ABCC8: variants seen among roughly 807,000 people sequenced by gnomAD.
ABCC8 encodes the protein ATP-binding cassette sub-family C member 8.
Under a neutral mutation model 188.0 loss-of-function variants are expected in ABCC8, and 137 were observed. That is an observed-to-expected ratio of 0.73 (90% CI 0.63 to 0.84). The LOEUF is 0.84. ABCC8 is among the 40% of genes least tolerant of loss of function. The pLI, the probability that ABCC8 is intolerant of heterozygous loss-of-function variation, is 0.00. For synonymous variants in ABCC8, 797 were observed against 846.5 expected (o/e 0.94, Z 1.01); for missense variants, 1,750 against 2,072.7 (o/e 0.84, Z 3.02).
At chr11:17,401,508 G>A (rs1224640826) in intron 29 of ABCC8, among the ~76,000 whole-genome samples, 1 of 152,230 alleles carries the variant, frequency 6.6e-6, no homozygotes, top group Non-Finnish European at 1.5e-5. Flanking sequence ...CTGGACTTCA[G>A]GGGTTGGGGG....
intron 14 of ABCC8, 157 bp downstream of exon 14, chr11:17,428,132 C>G (rs186950135): frequency 1.9e-6 from 3 of 1,554,598 alleles, no homozygotes; most frequent in Non-Finnish European, 2.6e-6. Context: ...GGGGTCCCCC[C>G]ACTTGGTGGT....
intron 16 of ABCC8, 141 bp downstream of exon 16, chr11:17,426,908 G>A (rs1955604710): frequency 2.1e-6 from 2 of 932,684 alleles, no homozygotes. Context: ...TGATGATGAT[G>A]AGAATATCCA....
At chr11:17,405,226 G>A (rs1163303163) in intron 27 of ABCC8, among the ~76,000 whole-genome samples, 1 of 152,238 alleles carries the variant, frequency 6.6e-6, no homozygotes. Context: ...CAGCCACCTT[G>A]GTTCAGAATA....
chr11:17,426,403 T>C (rs1416175512), intron 16 of ABCC8, among the ~76,000 whole-genome samples: 2 of 152,326 alleles, frequency 1.3e-5, no homozygotes, highest in East Asian at 1.9e-4. Flanking sequence ...TGGTATCTCA[T>C]TGTGGTTTTG....
intron 18 of ABCC8, 98 bp downstream of exon 18, chr11:17,415,206 G>T: frequency 1.3e-6 from 2 of 1,514,334 alleles, no homozygotes; most frequent in Non-Finnish European, 9.0e-7. Context: ...TGGGGCTGGG[G>T]TCTGGGGGCT....
intron 2 of ABCC8, among the ~76,000 whole-genome samples, chr11:17,472,791 T>G (rs1300719006): frequency 1.3e-5 from 2 of 152,124 alleles, no homozygotes; most frequent in Admixed American, 6.5e-5. Context: ...TTTCCCACAT[T>G]CTGGGAATAC....
At chr11:17,450,979 G>A (rs1039739807) in intron 7 of ABCC8, among the ~76,000 whole-genome samples, 6 of 151,948 alleles carry the variant, frequency 3.9e-5, no homozygotes, top group East Asian at 1.9e-4. Context: ...GAGCCATTGC[G>A]CTCCACCCCC....
rs1184702117 is a variant in ABCC8, at chr11:17,412,845, C to G, written c.2476-99G>C. 2.6e-6 allele frequency: 4 copies of G among 1,546,150 alleles called. No homozygotes were observed. The African/African-American group carries it at 5.5e-5, about 21-fold the overall frequency. ...TGAGCTCTTTGGGATGGAGGCCTGG[C>G]TCTATCCACTTCTTTGCCTGCTTCT... On this transcript the variant is annotated intron_variant, in intron 20 of 38. Coordinates refer to ENST00000389817, the MANE Select transcript of ABCC8 (RefSeq NM_000352.6).
intron 3 of ABCC8, among the ~76,000 whole-genome samples, chr11:17,468,561 C>T (rs1848296707): frequency 6.6e-6 from 1 of 152,120 alleles, no homozygotes; most frequent in African/African-American, 2.4e-5. Flanking sequence ...TAGACTAGTG[C>T]CAGTTATTTA....
At chr11:17,460,730 G>A (rs1255566598) in intron 5 of ABCC8, 54 bp from the exon 6 acceptor site, 41 of 1,597,810 alleles carry the variant, frequency 2.6e-5, no homozygotes, top group Non-Finnish European at 3.4e-5. Flanking sequence ...ATTCACGGCT[G>A]GGCCTAGCCT....
Position 17,476,642 on chromosome 11 carries a change from G to A in ABCC8, c.135C>T (p.Pro45=), listed in dbSNP as rs763901452. The A allele has an allele frequency of 6.2e-7, 1 of 1,612,226 alleles. No individual in the cohort carries two copies. The highest frequency in any genetic ancestry group is 1.1e-5 in the South Asian group (1 of 90,824). ...PHVFLLFITF[P]ILFIGWGSQS... is the part of the protein sequence containing the mutation. ...GCGCGCACTCACCAATGAAGAGGATGGGGAAGGTGATGAAGAGTAGGAAGA... is the reference window on the plus strand; with the variant it reads ...GCGCGCACTCACCAATGAAGAGGATAGGGAAGGTGATGAAGAGTAGGAAGA... Residue 45 remains proline, a synonymous_variant, in exon 1 of 39, where the codon CCC becomes CCT. Coordinates refer to ENST00000389817, the MANE Select transcript of ABCC8 (RefSeq NM_000352.6).
chr11:17,439,365 G>A (rs1002269968), intron 10 of ABCC8, among the ~76,000 whole-genome samples: 2 of 152,080 alleles, frequency 1.3e-5, no homozygotes, highest in Non-Finnish European at 2.9e-5. Flanking sequence ...TGCCGCATAT[G>A]AGCAGGATGG....
intron 1 of ABCC8, among the ~76,000 whole-genome samples, chr11:17,475,242 G>C (rs1848696450): frequency 6.6e-6 from 1 of 152,196 alleles, no homozygotes; most frequent in African/African-American, 2.4e-5. Flanking sequence ...TACTGAGACA[G>C]GGTCTTGCTC....
intron 9 of ABCC8, 109 bp from the exon 10 acceptor site, chr11:17,442,991 C>T (rs914947029): frequency 2.7e-5 from 42 of 1,579,664 alleles, no homozygotes; most frequent in Admixed American, 6.8e-5. Context: ...CTGTCCTCAC[C>T]GGGAGGCAGC....
intron 10 of ABCC8, 33 bp from the exon 11 acceptor site, chr11:17,432,277 G>C (rs1955883697): frequency 6.4e-7 from 1 of 1,551,854 alleles, no homozygotes; most frequent in Non-Finnish European, 8.7e-7. Flanking sequence ...CGTTTAGTGG[G>C]AGGAGCGTGA....
At chr11:17,460,985 A>C (rs112390084) in intron 5 of ABCC8, 39 of 456,582 alleles carry the variant, frequency 8.5e-5, no homozygotes, top group African/African-American at 6.9e-4. Context: ...ACACTCACTC[A>C]TTACCACCTG....
chr11:17,398,621 A>G, intron 29 of ABCC8, 180 bp from the exon 30 acceptor site: 3 of 723,452 alleles, frequency 4.1e-6, no homozygotes, highest in Non-Finnish European at 3.4e-6. Context: ...GCTTATTCAA[A>G]CCTGTCCAGA....
intron 22 of ABCC8, chr11:17,408,724 C>T (rs1445960387): frequency 8.9e-6 from 3 of 337,546 alleles, no homozygotes; most frequent in African/African-American, 2.2e-5. Context: ...ACATCTGAGG[C>T]GTATTTCTCA....
In ABCC8 at chr11:17,402,689, C is replaced by CTACG; in HGVS notation, c.3618_3621dup (p.Glu1208ArgfsTer13). The CTACG allele has an allele frequency of 6.2e-7, 1 of 1,614,252 alleles. No homozygotes were observed. The highest frequency in any genetic ancestry group is 2.2e-5 in the East Asian group (1 of 44,878). ...AAGGCCCGGATGGTGGTGAGTCCTT[C>CTACG]TACGGTTTCGGCAAAGTGTGAGAGA... On this transcript the variant is annotated frameshift_variant, in exon 29 of 39. Transcript: ENST00000389817. LOFTEE classifies it high-confidence loss of function.
Sources: gnomAD v4.1 joint callset for allele counts (sites outside exome capture counted in the v4.1 genomes callset) on GRCh38, gnomAD v4.1.1 for gene constraint, MANE v1.5 for transcripts, NCBI Gene and HGNC (gene_info 2026-07-23, HGNC 2026-07-21) for gene names.